Variants in UBL3 observed in about 807,000 individuals in gnomAD.
UBL3 encodes the protein ubiquitin like 3.
A neutral mutation model predicts 18.4 loss-of-function variants in UBL3; 6 were observed. The observed-to-expected ratio is 0.33, with a 90% CI of 0.18 to 0.64. UBL3 has a LOEUF of 0.64. UBL3 is among the 30% of genes least tolerant of loss of function. The pLI is 0.76. For missense variants in UBL3, 109 were observed against 142.9 expected, an observed-to-expected ratio of 0.76 and a Z score of 1.21; for synonymous variants, 49 against 46.6, an observed-to-expected ratio of 1.05 and a Z score of -0.21.
Position 29,822,431 on chromosome 13 carries a change from T to C in UBL3, c.27+27081A>G, listed in dbSNP as rs142005020. On this transcript the variant is annotated intron_variant, in intron 1 of 4. Transcript: ENST00000380680. ...ATAAGCATCCCACAAATCTCAAATA[T>C]AAACTCAAACCTCTGCTCCTTTTGA... 1.9e-3 allele frequency among the ~76,000 whole-genome samples: 287 copies of C among 152,324 alleles called. 2 individuals are homozygous for C. Among genetic ancestry groups the C allele is most frequent in the African/African-American group, 6.7e-3 (280 of 41,576 alleles).
intron 1 of UBL3, among the ~76,000 whole-genome samples, chr13:29,816,080 T>C (rs1234902121): frequency 6.6e-6 from 1 of 152,132 alleles, no homozygotes; most frequent in Non-Finnish European, 1.5e-5. Flanking sequence ...TTTGTAGGAT[T>C]TTTTTCCCCA....
At chr13:29,784,838 T>TGC (rs1877267303) in intron 1 of UBL3, among the ~76,000 whole-genome samples, 1 of 13,486 alleles carries the variant, frequency 7.4e-5, no homozygotes, top group Non-Finnish European at 2.8e-4. Context: ...CATACACACA[T>TGC]GCACACACAC....
intron 1 of UBL3, among the ~76,000 whole-genome samples, chr13:29,809,693 A>G (rs1050907144): frequency 2.0e-5 from 3 of 152,124 alleles, no homozygotes; most frequent in Admixed American, 6.6e-5. Flanking sequence ...AGTGAAGAAG[A>G]TATGTTTCCA....
intron 3 of UBL3, 84 bp downstream of exon 3, chr13:29,772,028 A>G (rs1876854221): frequency 3.3e-6 from 4 of 1,216,734 alleles, no homozygotes; most frequent in African/African-American, 1.5e-5. Flanking sequence ...TTTTTTAGCA[A>G]ATTCAAAGAC....
In UBL3 at chr13:29,766,492, C is replaced by CTT. The variant is rs1876685003; in HGVS notation, c.*762_*763insAA. ...ATGAGTGACTGAAACTACCCTCCCA[C>CTT]ATTAAGGCTAGGAGACGCACTCTCA... On this transcript the variant is annotated 3_prime_UTR_variant, in exon 5 of 5. Transcript: ENST00000380680. 1 of 152,570 alleles carries CTT rather than the reference C, an allele frequency of 6.6e-6. No individual in the cohort carries two copies. The highest frequency in any genetic ancestry group is 2.1e-4 in the South Asian group (1 of 4,828). The allele number at this position is 152,570 out of a possible 1,614,324, so 9.5% of individuals were successfully genotyped here. A position where few individuals can be genotyped will look rare whatever the true frequency, so the allele number is the denominator to read the frequency against.
rs1464142738 is a variant in UBL3 at position 29,766,341 on chromosome 13, G to A, written c.*914C>T. ...TAAGAATTCATCTGAACTCTAAGGA[G>A]TAAGCATGACACTGGATGTGGTTAC... On this transcript the variant is annotated 3_prime_UTR_variant, in exon 5 of 5. Transcript: ENST00000380680. The A allele has an allele frequency of 6.6e-6, 1 of 152,402 alleles. No homozygotes were observed. Among genetic ancestry groups the A allele is most frequent in the Non-Finnish European group, 1.5e-5 (1 of 67,996 alleles). 9.4% of individuals were successfully genotyped at this position (152,402 alleles called of 1,614,324 possible).
chr13:29,801,129 T>C (rs1877752502), intron 1 of UBL3, among the ~76,000 whole-genome samples: 1 of 152,068 alleles, frequency 6.6e-6, no homozygotes, highest in Non-Finnish European at 1.5e-5. Flanking sequence ...GGTACTGCCC[T>C]TGCCACCCTC....
chr13:29,766,233 C>T lies in UBL3; in HGVS notation c.*1022G>A, dbSNP rs1333163751. The stretch of plus-strand genomic sequence containing the variant: ...GTATGCCATAAAAATCAGCTTTTGA[C>T]TTTAATACAATTGCAAGCACTAATA... On this transcript the variant is annotated 3_prime_UTR_variant, in exon 5 of 5. Coordinates refer to ENST00000380680, the MANE Select transcript of UBL3 (RefSeq NM_007106.4). The T allele has an allele frequency of 6.6e-6, 1 of 152,262 alleles. No homozygotes were observed. The allele number at this position is 152,262 out of a possible 1,614,324, so 9.4% of individuals were successfully genotyped here. A position where few individuals can be genotyped will look rare whatever the true frequency, so the allele number is the denominator to read the frequency against.
chr13:29,769,345 T>C (rs1284319198), intron 3 of UBL3, among the ~76,000 whole-genome samples: 1 of 152,080 alleles, frequency 6.6e-6, no homozygotes, highest in African/African-American at 2.4e-5. Flanking sequence ...CTAGAAATAG[T>C]AGGTATTGAT....
chr13:29,783,328 A>C (rs1877227011), intron 1 of UBL3, among the ~76,000 whole-genome samples: 2 of 152,248 alleles, frequency 1.3e-5, no homozygotes, highest in Non-Finnish European at 2.9e-5. Context: ...TTTCAAACGG[A>C]CTAGGTTAAT....
chr13:29,813,771 C>T (rs886926370), intron 1 of UBL3, among the ~76,000 whole-genome samples: 4 of 152,126 alleles, frequency 2.6e-5, no homozygotes, highest in African/African-American at 9.6e-5. Flanking sequence ...TTCCCTCATA[C>T]TGAGAGATGA....
At chr13:29,846,629 A>G (rs1879233824) in intron 1 of UBL3, among the ~76,000 whole-genome samples, 1 of 152,200 alleles carries the variant, frequency 6.6e-6, no homozygotes, top group Non-Finnish European at 1.5e-5. Flanking sequence ...ACATCAATTG[A>G]TTTAGCAATT....
chr13:29,835,145 T>TAAAAATATATATATATATATATATATAA (rs1566001115), intron 1 of UBL3, among the ~76,000 whole-genome samples: 1 of 14,254 alleles, frequency 7.0e-5, no homozygotes, highest in Non-Finnish European at 1.3e-4. Context: ...TATATATATA[T>TAAAAATATATATATATATATATATATAA]ATATATATAT....
At chr13:29,818,775 A>G (rs1487132191) in intron 1 of UBL3, among the ~76,000 whole-genome samples, 1 of 152,230 alleles carries the variant, frequency 6.6e-6, no homozygotes, top group Non-Finnish European at 1.5e-5. Context: ...TGTCTCAGAC[A>G]GAATTTAAAA....
At chr13:29,799,240 T>TA (rs1165679750) in intron 1 of UBL3, among the ~76,000 whole-genome samples, 2 of 152,042 alleles carry the variant, frequency 1.3e-5, no homozygotes, top group South Asian at 2.1e-4. Context: ...GTTGTGGCAA[T>TA]AAAAAAAAGT....
In UBL3 at chr13:29,790,973, T is replaced by G. The variant is rs182751950; in HGVS notation, c.28-13710A>C. Among the ~76,000 whole-genome samples the G allele has an allele frequency of 5.9e-3, 894 of 152,312 alleles. 4 individuals carry two copies. The highest frequency in any genetic ancestry group is 0.01 in the Non-Finnish European group (703 of 68,022). ...CCCATTTGGAATATTCCCAAACTAA[T>G]TATCCATGAAGCGCCATTTTCATTT... On this transcript the variant is annotated intron_variant, in intron 1 of 4. Transcript: ENST00000380680.
chr13:29,834,711 T>C (rs1227755303), intron 1 of UBL3, among the ~76,000 whole-genome samples: 1 of 152,134 alleles, frequency 6.6e-6, no homozygotes. Flanking sequence ...AGAGTATTAG[T>C]ATAACTGTAA....
chr13:29,798,789 G>GT (rs1470872925), intron 1 of UBL3, among the ~76,000 whole-genome samples: 2 of 152,098 alleles, frequency 1.3e-5, no homozygotes, highest in African/African-American at 4.8e-5. Context: ...CTATAGATGC[G>GT]TTTAAGTACT....
intron 1 of UBL3, among the ~76,000 whole-genome samples, chr13:29,796,648 G>C (rs1877620738): frequency 6.6e-6 from 1 of 152,096 alleles, no homozygotes; most frequent in African/African-American, 2.4e-5. Context: ...CACATGAAAA[G>C]ATGCTCAGCA....
Sources: gnomAD v4.1 joint callset for allele counts (sites outside exome capture counted in the v4.1 genomes callset) on GRCh38, gnomAD v4.1.1 for gene constraint, MANE v1.5 for transcripts, NCBI Gene and HGNC (gene_info 2026-07-23, HGNC 2026-07-21) for gene names.